The following ATP5MC1 variants were observed in gnomAD, a reference collection of about 807,000 sequenced individuals.
The protein encoded by ATP5MC1 is ATP synthase membrane subunit c locus 1, also known as ATP synthase F(0) complex subunit C1, mitochondrial.
In ATP5MC1, 4 loss-of-function variants were observed where a neutral mutation model predicts 12.1. The observed-to-expected ratio is 0.33, with a 90% CI of 0.16 to 0.76. The LOEUF (loss-of-function observed/expected upper bound fraction) is 0.76, where lower values mean the gene tolerates loss of function less well. Ranked by LOEUF, ATP5MC1 falls within the 30% of genes least tolerant of loss-of-function variation. The pLI is 0.61. For missense variants in ATP5MC1, 117 were observed against 172.1 expected (o/e 0.68, Z 1.79); for synonymous variants, 52 against 66.0 (o/e 0.79, Z 1.03).
chr17:48,894,953 T>C, intron 3 of ATP5MC1: 1 of 703,692 alleles, frequency 1.4e-6, no homozygotes, highest in Non-Finnish European at 2.5e-6. Context: ...CCCATGAAAT[T>C]TCCCTAGTCC....
At chr17:48,893,614 C>A in intron 2 of ATP5MC1, 158 bp downstream of exon 2, 1 of 803,278 alleles carries the variant, frequency 1.2e-6, no homozygotes, top group Non-Finnish European at 2.1e-6. Context: ...TTATCTGGGC[C>A]TGTGAACCAA....
chr17:48,894,057 G>A (rs1038542404), intron 2 of ATP5MC1: 2 of 318,062 alleles, frequency 6.3e-6, no homozygotes, highest in African/African-American at 2.2e-5. Flanking sequence ...GGTGATCTGG[G>A]TATAAACCTT....
At position 48,893,457 on chromosome 17, in the gene ATP5MC1, G is replaced by A; in HGVS notation, c.39+1G>A. On this transcript the variant is annotated splice_donor_variant, in intron 2 of 4. Coordinates refer to ENST00000393366, the MANE Select transcript of ATP5MC1 (RefSeq NM_005175.3). LOFTEE classifies it high-confidence loss of function. ...GGCATTATTCATTTCTCCAGCTCTG[G>A]TAAGGTGCCGCGCCGCAGTGCTCTG... 1 of 1,613,940 alleles carries A rather than the reference G, an allele frequency of 6.2e-7. No individual in the cohort carries two copies. The highest frequency in any genetic ancestry group is 1.1e-5 in the South Asian group (1 of 91,060).
chr17:48,893,944 T>C lies in ATP5MC1; in HGVS notation c.40-428T>C, dbSNP rs563230343. On this transcript the variant is annotated intron_variant, in intron 2 of 4. Transcript: ENST00000393366. ...CATGTTACAGATGGCTCTCCTTGGA[T>C]GGCTATTCCAGTCGGTTTCCGGGGC... The C allele has an allele frequency of 3.8e-4, 77 of 204,850 alleles. 1 individual carries two copies. The highest frequency in any genetic ancestry group is 4.2e-3 in the Middle Eastern group (2 of 478). 12.7% of individuals were successfully genotyped at this position (204,850 alleles called of 1,614,324 possible).
chr17:48,895,649 TC>T lies in ATP5MC1; in HGVS notation c.297-3del, dbSNP rs1336567241. On this transcript the variant is annotated splice_polypyrimidine_tract_variant and splice_region_variant and intron_variant, in intron 4 of 4. Transcript: ENST00000393366. ...CTCAACTGGCAATGATCTCTGTCCC[TC>T]CCAGGAACCCGTCTCTCAAGCAGCA... is the stretch of plus-strand genomic sequence containing the variant. The T allele has an allele frequency of 8.7e-6, 14 of 1,611,338 alleles. No individual in the cohort carries two copies. The highest frequency in any genetic ancestry group is 1.2e-5 in the Non-Finnish European group (14 of 1,177,796).
At chr17:48,894,245 A>C (rs2040552917) in intron 2 of ATP5MC1, 127 bp from the exon 3 acceptor site, 3 of 922,676 alleles carry the variant, frequency 3.3e-6, no homozygotes, top group Non-Finnish European at 5.2e-6. Flanking sequence ...AGGAACAGGA[A>C]TAAATTGACC....
intron 3 of ATP5MC1, chr17:48,894,673 A>G (rs1280131654): frequency 3.8e-6 from 2 of 524,778 alleles, no homozygotes; most frequent in Admixed American, 6.0e-5. Flanking sequence ...CAGGGCTGAG[A>G]TGAGAGGATT....
chr17:48,893,630 C>T, intron 2 of ATP5MC1, 174 bp downstream of exon 2: 1 of 725,126 alleles, frequency 1.4e-6, no homozygotes, highest in East Asian at 2.7e-5. Flanking sequence ...ACCAAGCTAT[C>T]TTGGCTTTGG....
At chr17:48,893,530 C>A (rs1478931078) in intron 2 of ATP5MC1, 74 bp downstream of exon 2, 1 of 1,553,156 alleles carries the variant, frequency 6.4e-7, no homozygotes, top group Admixed American at 1.7e-5. Flanking sequence ...AATGAATGAA[C>A]CCAGGGGAGC....
At chr17:48,894,858 T>A in intron 3 of ATP5MC1, 1 of 567,814 alleles carries the variant, frequency 1.8e-6, no homozygotes, top group East Asian at 4.2e-5. Flanking sequence ...GGAGGAGAGT[T>A]GGAGAATCTG....
intron 3 of ATP5MC1, chr17:48,894,869 T>C: frequency 3.4e-6 from 2 of 581,416 alleles, no homozygotes; most frequent in Non-Finnish European, 6.5e-6. Flanking sequence ...GGAGAATCTG[T>C]ATGCTTTAAT....
intron 2 of ATP5MC1, 99 bp downstream of exon 2, chr17:48,893,555 A>C (rs528494411): frequency 7.3e-7 from 1 of 1,378,388 alleles, no homozygotes; most frequent in Non-Finnish European, 1.0e-6. Context: ...CGTCCTGATG[A>C]TGTAGGCTCT....
intron 3 of ATP5MC1, chr17:48,894,942 A>T (rs557396580): frequency 1.5e-6 from 1 of 683,008 alleles, no homozygotes; most frequent in South Asian, 1.5e-5. Flanking sequence ...GGTGTGCCTA[A>T]CCCATGAAAT....
chr17:48,895,240 A>C lies in ATP5MC1; in HGVS notation c.202A>C (p.Lys68Gln), dbSNP rs1324971700. ...CTCCCGGGACATTGACACAGCAGCC[A>C]AGTTTATTGGTGCTGGGGCAGCCAC... Reference protein sequence around the residue: ...VVSRDIDTAAKFIGAGAATVG... With the variant: ...VVSRDIDTAAQFIGAGAATVG... Residue 68 changes from lysine to glutamine, a missense_variant, in exon 4 of 5, where the codon AAG becomes CAG. Lys to Gln is a moderately conservative substitution (Grantham distance 53). Transcript: ENST00000393366. 1 of 1,612,524 alleles carries C rather than the reference A, an allele frequency of 6.2e-7. No homozygotes were observed.
intron 1 of ATP5MC1, 51 bp from the exon 2 acceptor site, chr17:48,893,358 A>G (rs2040546507): frequency 6.3e-7 from 1 of 1,597,352 alleles, no homozygotes. Context: ...TTATAAGCAA[A>G]CAACCAGGGT....
chr17:48,893,306 G>T, intron 1 of ATP5MC1, 103 bp from the exon 2 acceptor site: 9 of 1,203,166 alleles, frequency 7.5e-6, no homozygotes, highest in Non-Finnish European at 1.1e-5. Context: ...GCGTGGTCTA[G>T]GGAGGACGGA....
chr17:48,894,514 TC>T, intron 3 of ATP5MC1, 65 bp downstream of exon 3: 1 of 1,524,076 alleles, frequency 6.6e-7, no homozygotes, highest in Non-Finnish European at 9.1e-7. Flanking sequence ...ACACCTGTAA[TC>T]CCAGCTCTTT....
intron 2 of ATP5MC1, 97 bp downstream of exon 2, chr17:48,893,553 T>G (rs770381755): frequency 7.2e-7 from 1 of 1,384,158 alleles, no homozygotes; most frequent in Non-Finnish European, 1.0e-6. Flanking sequence ...GGCGTCCTGA[T>G]GATGTAGGCT....
Position 48,892,846 on chromosome 17 carries a change from T to A in ATP5MC1, c.-74T>A, listed in dbSNP as rs1012295396. ...CCAAGGGCTAAAGCTGGGAGGTGAG[T>A]CTGTCACCTTGAGCCGGGCGAGCGC... On this transcript the variant is annotated 5_prime_UTR_variant, in exon 1 of 5. Transcript: ENST00000393366. 6.5e-6 allele frequency: 1 copy of A among 153,802 alleles called. No individual in the cohort carries two copies. Among genetic ancestry groups the A allele is most frequent in the African/African-American group, 2.4e-5 (1 of 41,226 alleles). The allele number at this position is 153,802 out of a possible 1,614,324, so 9.5% of individuals were successfully genotyped here. A position where few individuals can be genotyped will look rare whatever the true frequency, so the allele number is the denominator to read the frequency against.
Sources: gnomAD v4.1 joint callset for allele counts on GRCh38, gnomAD v4.1.1 for gene constraint, MANE v1.5 for transcripts, NCBI Gene and HGNC (gene_info 2026-07-23, HGNC 2026-07-21) for gene names.